Variants in TLN2 observed in about 807,000 individuals in gnomAD.
TLN2 encodes the protein talin 2, also known as talin-2.
In TLN2, 118 loss-of-function variants were observed where a neutral mutation model predicts 294.7. That is an observed-to-expected ratio of 0.40 (90% CI 0.34 to 0.47). TLN2 has a LOEUF of 0.47. Ranked by LOEUF, TLN2 falls within the 20% of genes least tolerant of loss-of-function variation. The probability of loss-of-function intolerance (pLI) is 0.84; values close to 1 mark genes in which losing one functional copy is unlikely to be tolerated. For missense variants in TLN2, 3,083 were observed against 3,282.2 expected (o/e 0.94, Z 1.48); for synonymous variants, 1,431 against 1,304.5 (o/e 1.10, Z -2.09).
intron 47 of TLN2, among the ~76,000 whole-genome samples, chr15:62,796,675 C>T (rs926077173): frequency 6.6e-6 from 1 of 152,192 alleles, no homozygotes; most frequent in African/African-American, 2.4e-5. Context: ...AAGCCCCTAT[C>T]TCTGCTCAGC....
chr15:62,497,308 A>G (rs2039060847), intron 1 of TLN2, among the ~76,000 whole-genome samples: 1 of 152,114 alleles, frequency 6.6e-6, no homozygotes, highest in Admixed American at 6.5e-5. Context: ...GCAGCATGTG[A>G]GAGTCTCTTC....
chr15:62,820,566 G>A lies in TLN2; in HGVS notation c.6958G>A (p.Ala2320Thr), dbSNP rs747186238. ...GGGGGCTGCAGCATCCATCGAAGCT[G>A]CTGCTAAGAAGTTAGAGCAACTGAA... ...LLGAAASIEA[A>T]AKKLEQLKPR... is the part of the protein sequence containing the mutation. Residue 2320 changes from alanine to threonine, a missense_variant, in exon 54 of 59, where the codon GCT becomes ACT. By Grantham distance (58) the Ala-to-Thr change is moderately conservative. Transcript: ENST00000636159. 4 of 1,613,978 alleles carry A rather than the reference G, an allele frequency of 2.5e-6. No homozygotes were observed. Among genetic ancestry groups the A allele is most frequent in the Non-Finnish European group, 3.4e-6 (4 of 1,179,936 alleles).
chr15:62,838,387 A>C (rs1399769553), intron 57 of TLN2, among the ~76,000 whole-genome samples: 1 of 152,202 alleles, frequency 6.6e-6, no homozygotes, highest in Non-Finnish European at 1.5e-5. Context: ...CCGGCACAGC[A>C]CACTCCAGGC....
chr15:62,562,033 T>G (rs770018202), intron 1 of TLN2, among the ~76,000 whole-genome samples: 2 of 152,178 alleles, frequency 1.3e-5, no homozygotes, highest in African/African-American at 4.8e-5. Flanking sequence ...TTTCAACTTA[T>G]AAGCTCCTCG....
intron 29 of TLN2, 81 bp from the exon 30 acceptor site, chr15:62,738,133 C>A: frequency 6.5e-7 from 1 of 1,537,472 alleles, no homozygotes; most frequent in South Asian, 1.2e-5. Flanking sequence ...TGCTTCAGCT[C>A]TGCATGTTTC....
chr15:62,485,782 C>G (rs1450459377), intron 1 of TLN2, among the ~76,000 whole-genome samples: 1 of 152,146 alleles, frequency 6.6e-6, no homozygotes, highest in Non-Finnish European at 1.5e-5. Flanking sequence ...TCTGTAATGC[C>G]TAGGAGCTGG....
chr15:62,445,425 T>C (rs2035766512), intron 1 of TLN2, among the ~76,000 whole-genome samples: 1 of 152,184 alleles, frequency 6.6e-6, no homozygotes, highest in African/African-American at 2.4e-5. Flanking sequence ...GTGTCATCAT[T>C]GGAACTCTTT....
At position 62,803,502 on chromosome 15, in the gene TLN2, A is replaced by G. The variant is rs112007467; in HGVS notation, c.6478-2098A>G. Among the ~76,000 whole-genome samples the G allele has an allele frequency of 3.3e-4, 50 of 152,112 alleles. 2 individuals are homozygous for G. Among genetic ancestry groups the G allele is most frequent in the African/African-American group, 1.0e-3 (43 of 41,512 alleles). On this transcript the variant is annotated intron_variant, in intron 50 of 58. Coordinates refer to ENST00000636159, the MANE Select transcript of TLN2 (RefSeq NM_015059.3). ...CTGTAGGCATGCTTCATTGTTTTCT[A>G]TTCTTTTTTGTCTCCTCTATGTTTT... is the stretch of plus-strand genomic sequence containing the variant.
chr15:62,785,324 A>G (rs1462372040), intron 45 of TLN2, among the ~76,000 whole-genome samples: 1 of 152,230 alleles, frequency 6.6e-6, no homozygotes, highest in Non-Finnish European at 1.5e-5. Flanking sequence ...AACTCCATAA[A>G]CAAATGTAAG....
intron 44 of TLN2, among the ~76,000 whole-genome samples, chr15:62,782,738 G>A (rs530820404): frequency 4.6e-5 from 7 of 152,244 alleles, no homozygotes; most frequent in African/African-American, 9.6e-5. Flanking sequence ...AGCCTGGGAC[G>A]TGTCCTTGTA....
At chr15:62,467,535 A>G (rs1207925836) in intron 1 of TLN2, among the ~76,000 whole-genome samples, 11 of 152,194 alleles carry the variant, frequency 7.2e-5, no homozygotes, top group Non-Finnish European at 1.6e-4. Context: ...TCTACTAAAA[A>G]TACGAAATTA....
intron 3 of TLN2, among the ~76,000 whole-genome samples, chr15:62,628,554 C>A (rs1362776651): frequency 1.3e-5 from 2 of 152,224 alleles, no homozygotes; most frequent in African/African-American, 4.8e-5. Flanking sequence ...AGACATTTTT[C>A]ATAGAAAGAT....
In TLN2 at chr15:62,704,273, C is replaced by A. The variant is rs1216583625; in HGVS notation, c.2004+1409C>A. Among the ~76,000 whole-genome samples, 7 of 152,114 alleles carry A rather than the reference C, an allele frequency of 4.6e-5. No individual in the cohort carries two copies. In the East Asian group the frequency reaches 1.3e-3, roughly 29 times the overall value. ...CGTAATGTTTTTATTAACTACCTGACACTTCTAAATACCTTTTTTCCTGCA... is the reference window on the plus strand; with the variant it reads ...CGTAATGTTTTTATTAACTACCTGAAACTTCTAAATACCTTTTTTCCTGCA... On this transcript the variant is annotated intron_variant, in intron 19 of 58. Coordinates refer to ENST00000636159, the MANE Select transcript of TLN2 (RefSeq NM_015059.3).
intron 1 of TLN2, among the ~76,000 whole-genome samples, chr15:62,476,658 T>G: frequency 6.6e-6 from 1 of 152,232 alleles, no homozygotes; most frequent in East Asian, 1.9e-4. Flanking sequence ...GAGCCAAACC[T>G]ACGAGTCCTG....
chr15:62,413,426 A>G (rs76657506), intron 1 of TLN2, among the ~76,000 whole-genome samples: 1,823 of 152,274 alleles, frequency 0.012, 34 homozygotes, highest in African/African-American at 0.041. Flanking sequence ...TTGCTAGTCC[A>G]TCTGAAGTGT....
At chr15:62,617,411 C>A (rs2048395387) in intron 2 of TLN2, among the ~76,000 whole-genome samples, 1 of 152,168 alleles carries the variant, frequency 6.6e-6, no homozygotes, top group South Asian at 2.1e-4. Flanking sequence ...CCCAGTGATA[C>A]TGATGTTTTA....
intron 1 of TLN2, among the ~76,000 whole-genome samples, chr15:62,551,438 G>T (rs536284883): frequency 1.2e-4 from 19 of 152,216 alleles, no homozygotes; most frequent in African/African-American, 4.6e-4. Context: ...TTGGGAGGCC[G>T]AGACAGGCAG....
rs761319852 is a variant in TLN2 at position 62,752,319 on chromosome 15, G to C, written c.4224G>C (p.Ser1408=). Residue 1408 remains serine (S), a synonymous_variant, in exon 35 of 59, where the codon TCG becomes TCC. Transcript: ENST00000636159. ...TTGTTTTGCAGGTTCTGGGTGAATC[G>C]ATGGCAGGGATTTCACAGAATGCCA... is the stretch of plus-strand genomic sequence containing the variant. ...VMENSKVLGE[S]MAGISQNAKT... is the part of the protein sequence containing the mutation. The C allele has an allele frequency of 1.2e-6, 2 of 1,614,128 alleles. No individual in the cohort carries two copies. Among genetic ancestry groups the C allele is most frequent in the Non-Finnish European group, 1.7e-6 (2 of 1,180,010 alleles).
At chr15:62,467,256 G>A (rs530720898) in intron 1 of TLN2, among the ~76,000 whole-genome samples, 3 of 152,220 alleles carry the variant, frequency 2.0e-5, no homozygotes, top group Non-Finnish European at 4.4e-5. Flanking sequence ...GTTATTGTCT[G>A]TAGGAGAAGG....
Sources: allele counts gnomAD v4.1 joint callset (sites outside exome capture counted in the v4.1 genomes callset), GRCh38; gene constraint gnomAD v4.1.1; transcripts MANE v1.5; gene names NCBI Gene and HGNC (gene_info 2026-07-23, HGNC 2026-07-21).